ITIH6: variants seen among roughly 807,000 people sequenced by gnomAD.
ITIH6 encodes inter-alpha-trypsin inhibitor heavy chain H6.
A neutral mutation model predicts 58.2 loss-of-function variants in ITIH6; 60 were observed. That is an observed-to-expected ratio of 1.03 (90% CI 0.84 to 1.28). The LOEUF (loss-of-function observed/expected upper bound fraction) is 1.28. ITIH6 is among the 50% of genes most tolerant of loss of function. The probability of loss-of-function intolerance (pLI) is 0.00; values close to 1 mark genes in which losing one functional copy is unlikely to be tolerated. For missense variants in ITIH6, 1,290 were observed against 1,021.1 expected, an observed-to-expected ratio of 1.26 and a Z score of -3.59; for synonymous variants, 493 against 417.4, an observed-to-expected ratio of 1.18 and a Z score of -2.21.
At position 54,791,166 on chromosome X, in the gene ITIH6, C is replaced by T. The variant is rs755782914; in HGVS notation, c.369-82G>A. 270 of 1,016,469 alleles carry T rather than the reference C, an allele frequency of 2.7e-4. 2 individuals are homozygous for T. In the African/African-American group the frequency reaches 4.5e-3, roughly 17 times the overall value. 83.8% of individuals were successfully genotyped at this position (1,016,469 alleles called of 1,213,427 possible). ...GGCTGTTAGATGACCTAGTTTTGCT[C>T]CCCCCAACCCTGGTCCCAGCCGACC... On this transcript the variant is annotated intron_variant, in intron 3 of 12. Coordinates refer to ENST00000218436, the MANE Select transcript of ITIH6 (RefSeq NM_198510.3).
chrX:54,794,818 C>G (rs982441388), intron 2 of ITIH6, among the ~76,000 whole-genome samples: 34 of 111,356 alleles, frequency 3.1e-4, no homozygotes, highest in African/African-American at 1.0e-3. Flanking sequence ...GATAGTCCCT[C>G]TACCCAAATC....
intron 6 of ITIH6, among the ~76,000 whole-genome samples, chrX:54,766,427 T>G (rs1928788804): frequency 1.3e-5 from 1 of 76,332 alleles, no homozygotes; most frequent in Non-Finnish European, 2.5e-5. Context: ...AACACTATGT[T>G]GAATAGGAGC....
At chrX:54,759,098 T>G in intron 7 of ITIH6, 100 bp from the exon 8 acceptor site, 2 of 580,534 alleles carry the variant, frequency 3.4e-6, no homozygotes, top group Non-Finnish European at 5.3e-6. Flanking sequence ...TCACAGCTCC[T>G]TATCTTTGCT....
chrX:54,789,126 C>G (rs1167470794), intron 4 of ITIH6, among the ~76,000 whole-genome samples: 1 of 112,238 alleles, frequency 8.9e-6, no homozygotes, highest in Non-Finnish European at 1.9e-5. Context: ...AGCAGCCTAG[C>G]AAGGTTGTCC....
Position 54,798,133 on chromosome X carries a change from AG to A in ITIH6, c.77del (p.Pro26LeufsTer11), listed in dbSNP as rs754812313. ...ILLELTYQGP[P>X]VPASSSTKLL... ...CCTTTGTGCTTGATGAAGCGGGGAC[AG>A]GGGGTCCCTGGTATGTCAGTTCAAG... On this transcript the variant is annotated frameshift_variant, in exon 1 of 13. Transcript: ENST00000218436. LOFTEE classifies it high-confidence loss of function. 1.7e-6 allele frequency: 2 copies of A among 1,190,271 alleles called. No homozygotes were observed. Among genetic ancestry groups the A allele is most frequent in the South Asian group, 1.9e-5 (1 of 53,443 alleles).
In ITIH6 at chrX:54,750,067, G is replaced by T; in HGVS notation, c.3770C>A (p.Pro1257His). ...QHADIRLVTGPMGPCLRRHHG... is the reference protein window; with the variant it reads ...QHADIRLVTGHMGPCLRRHHG... Reference sequence around the variant, plus strand: ...GTGCCTTCGTAAGCATGGCCCCATAGGTCCTGTCACCAGTCGGATGTCTGC... The same window carrying T: ...GTGCCTTCGTAAGCATGGCCCCATATGTCCTGTCACCAGTCGGATGTCTGC... Residue 1257 changes from proline to histidine, a missense_variant, in exon 13 of 13, where the codon CCT (proline) becomes CAT (histidine). Physicochemically the swap from Pro to His is moderately conservative, Grantham distance 77 (BLOSUM62 -2). Transcript: ENST00000218436. 1 of 1,210,875 alleles carries T rather than the reference G, an allele frequency of 8.3e-7. No individual in the cohort carries two copies. The highest frequency in any genetic ancestry group is 1.8e-5 in the South Asian group (1 of 56,843).
In ITIH6 at chrX:54,789,165, C is replaced by A. The variant is rs193246911; in HGVS notation, c.617-516G>T. ...GGGTCGGATTTCATATTTCTTCTTCCCTCTCTGCCTTCTGACTCTGGGCAT... is the reference window on the plus strand; with the variant it reads ...GGGTCGGATTTCATATTTCTTCTTCACTCTCTGCCTTCTGACTCTGGGCAT... On this transcript the variant is annotated intron_variant, in intron 4 of 12. Coordinates refer to ENST00000218436, the MANE Select transcript of ITIH6 (RefSeq NM_198510.3). Among the ~76,000 whole-genome samples, 500 of 111,935 alleles carry A rather than the reference C, an allele frequency of 4.5e-3. 1 individual carries two copies. Among genetic ancestry groups the A allele is most frequent in the Non-Finnish European group, 7.7e-3 (411 of 53,088 alleles).
Position 54,760,592 on chromosome X carries a change from C to G in ITIH6, c.904-665G>C, listed in dbSNP as rs1164435670. Among the ~76,000 whole-genome samples, 4 of 111,494 alleles carry G rather than the reference C, an allele frequency of 3.6e-5. No homozygotes were observed. In the Admixed American group the frequency reaches 3.8e-4, roughly 11 times the overall value. Reference sequence around the variant, plus strand: ...CTCCTAATGCTATCCTTCCCCCCGCCCCATGCTACAACAGGCCCCAGTGTG... The same window carrying G: ...CTCCTAATGCTATCCTTCCCCCCGCGCCATGCTACAACAGGCCCCAGTGTG... On this transcript the variant is annotated intron_variant, in intron 6 of 12. Coordinates refer to ENST00000218436, the MANE Select transcript of ITIH6 (RefSeq NM_198510.3).
At chrX:54,781,792 T>C (rs991590101) in intron 5 of ITIH6, among the ~76,000 whole-genome samples, 5 of 112,457 alleles carry the variant, frequency 4.4e-5, no homozygotes, top group African/African-American at 1.3e-4. Context: ...TGTATGTCCA[T>C]TGCAGCACTA....
chrX:54,772,970 C>T (rs1007005963), intron 6 of ITIH6, among the ~76,000 whole-genome samples: 8 of 111,376 alleles, frequency 7.2e-5, no homozygotes, highest in African/African-American at 2.6e-4. Flanking sequence ...AGGGTTTTGC[C>T]ATGTTGCCCA....
chrX:54,778,110 G>C (rs1476846441), intron 5 of ITIH6, among the ~76,000 whole-genome samples: 2 of 110,467 alleles, frequency 1.8e-5, no homozygotes, highest in Non-Finnish European at 3.8e-5. Context: ...GTAACAAAGA[G>C]ATTGCAATGA....
At chrX:54,762,394 A>G (rs1391439023) in intron 6 of ITIH6, among the ~76,000 whole-genome samples, 1 of 111,517 alleles carries the variant, frequency 9.0e-6, no homozygotes, top group Non-Finnish European at 1.9e-5. Context: ...ACAGGATCCC[A>G]GGTCTTTATA....
At position 54,776,034 on chromosome X, in the gene ITIH6, C is replaced by T. The variant is rs1929044263; in HGVS notation, c.787-1837G>A. ...GCACTGAAGTGGTAGAAAGAACAGT[C>T]TTGAATTGCCAACACCACGCCTACC... On this transcript the variant is annotated intron_variant, in intron 5 of 12. Coordinates refer to ENST00000218436, the MANE Select transcript of ITIH6 (RefSeq NM_198510.3). Among the ~76,000 whole-genome samples, 3 of 111,541 alleles carry T rather than the reference C, an allele frequency of 2.7e-5. No homozygotes were observed. The South Asian group carries it at 1.1e-3, about 42-fold the overall frequency.
chrX:54,793,036 A>G (rs902229152), intron 2 of ITIH6, among the ~76,000 whole-genome samples: 46 of 111,172 alleles, frequency 4.1e-4, no homozygotes, highest in African/African-American at 1.5e-3. Flanking sequence ...GTCATTTAGC[A>G]CCATGGCCTT....
At chrX:54,784,231 A>G (rs940528596) in intron 5 of ITIH6, among the ~76,000 whole-genome samples, 7 of 112,052 alleles carry the variant, frequency 6.2e-5, no homozygotes, top group Non-Finnish European at 1.1e-4. Flanking sequence ...CTATGATACT[A>G]TTAATACTAC....
chrX:54,797,206 G>T, intron 1 of ITIH6, 110 bp from the exon 2 acceptor site: 1 of 593,781 alleles, frequency 1.7e-6, no homozygotes, highest in Non-Finnish European at 2.6e-6. Context: ...TATACAGGTG[G>T]ATAAACTAAG....
chrX:54,762,046 G>C (rs903113559), intron 6 of ITIH6, among the ~76,000 whole-genome samples: 2 of 111,622 alleles, frequency 1.8e-5, no homozygotes, highest in African/African-American at 6.5e-5. Context: ...CCATTTTCAC[G>C]ACATTGATTC....
At chrX:54,768,906 C>A (rs1456499440) in intron 6 of ITIH6, among the ~76,000 whole-genome samples, 1 of 108,824 alleles carries the variant, frequency 9.2e-6, no homozygotes, top group Admixed American at 9.8e-5. Context: ...TCTGTATTTC[C>A]TGAATCTGAA....
At chrX:54,784,155 C>T (rs1929200638) in intron 5 of ITIH6, among the ~76,000 whole-genome samples, 1 of 111,405 alleles carries the variant, frequency 9.0e-6, no homozygotes, top group African/African-American at 3.3e-5. Flanking sequence ...TGAAACTAGA[C>T]CTCTCTCTCA....
Sources: allele counts gnomAD v4.1 joint callset (sites outside exome capture counted in the v4.1 genomes callset), GRCh38; gene constraint gnomAD v4.1.1; transcripts MANE v1.5; gene names NCBI Gene and HGNC (gene_info 2026-07-23, HGNC 2026-07-21).